The following RIMS1 variants were observed in gnomAD, a reference collection of about 807,000 sequenced individuals.
RIMS1 encodes regulating synaptic membrane exocytosis protein 1.
In RIMS1, 83 loss-of-function variants were observed where a neutral mutation model predicts 214.1. That is an observed-to-expected ratio of 0.39 (90% CI 0.32 to 0.47). The LOEUF (loss-of-function observed/expected upper bound fraction) is 0.47, where lower values mean the gene tolerates loss of function less well. Ranked by LOEUF, RIMS1 falls within the 20% of genes least tolerant of loss-of-function variation. RIMS1 has a pLI of 0.99. For missense variants in RIMS1, 2,050 were observed against 2,161.8 expected (o/e 0.95, Z 1.03); for synonymous variants, 793 against 786.8 (o/e 1.01, Z -0.13).
intron 4 of RIMS1, among the ~76,000 whole-genome samples, chr6:72,123,900 C>T (rs1349749075): frequency 2.0e-5 from 3 of 151,824 alleles, no homozygotes; most frequent in Non-Finnish European, 4.4e-5. Flanking sequence ...GAATACAGCA[C>T]ACTGATGGGT....
At chr6:72,124,582 G>C (rs938462917) in intron 4 of RIMS1, among the ~76,000 whole-genome samples, 4 of 151,804 alleles carry the variant, frequency 2.6e-5, no homozygotes, top group African/African-American at 9.7e-5. Context: ...TTTCCAACTT[G>C]GTTCCATTCT....
At position 72,371,024 on chromosome 6, in the gene RIMS1, A is replaced by G. The variant is rs1024455377; in HGVS notation, c.4367-19574A>G. On this transcript the variant is annotated intron_variant, in intron 29 of 33. Transcript: ENST00000521978. ...TTCTCCTAAAAATATGAGATTTTTT[A>G]TATGAAAAACTTGAAATTTTAAAAT... is the stretch of plus-strand genomic sequence containing the variant. Among the ~76,000 whole-genome samples the G allele has an allele frequency of 4.1e-4, 63 of 152,344 alleles. 1 individual carries two copies. Among genetic ancestry groups the G allele is most frequent in the African/African-American group, 1.5e-3 (61 of 41,586 alleles).
intron 2 of RIMS1, among the ~76,000 whole-genome samples, chr6:72,089,023 C>T (rs1431728478): frequency 6.6e-6 from 1 of 151,892 alleles, no homozygotes; most frequent in Non-Finnish European, 1.5e-5. Context: ...GACTTAGACT[C>T]AGATATTGTT....
At chr6:72,201,431 A>G (rs2051964564) in intron 6 of RIMS1, among the ~76,000 whole-genome samples, 1 of 152,324 alleles carries the variant, frequency 6.6e-6, no homozygotes, top group South Asian at 2.1e-4. Flanking sequence ...TTTAAAATGC[A>G]GAATCATACT....
intron 29 of RIMS1, among the ~76,000 whole-genome samples, chr6:72,360,113 T>C (rs945142242): frequency 6.6e-6 from 1 of 152,170 alleles, no homozygotes; most frequent in Non-Finnish European, 1.5e-5. Context: ...ATTCAAATTG[T>C]ATAGCCATCT....
At chr6:72,180,119 A>G (rs937513656) in intron 5 of RIMS1, among the ~76,000 whole-genome samples, 1 of 152,232 alleles carries the variant, frequency 6.6e-6, no homozygotes, top group Non-Finnish European at 1.5e-5. Context: ...TTTCTTTCAT[A>G]TCATGCACAG....
In RIMS1 at chr6:72,251,234, C is replaced by T. The variant is rs1348024084; in HGVS notation, c.2564C>T (p.Thr855Ile). The T allele has an allele frequency of 6.3e-7, 1 of 1,597,838 alleles. No individual in the cohort carries two copies. The highest frequency in any genetic ancestry group is 1.7e-5 in the Admixed American group (1 of 58,090). The change falls in exon 15 of 34, where the codon ACA (threonine) becomes ATA (isoleucine). Residue 855 changes from threonine to isoleucine, a missense_variant. Physicochemically the swap from Thr to Ile is moderately conservative, Grantham distance 89. This residue lies in a region of RIMS1 where 889 missense variants were observed against 885.5 expected (regional missense o/e 1.00). Transcript: ENST00000521978. ...TCTCAGATCCTCATAGAATTGGAGACAGCGCTTTTAGATGATGAACCGCAT... is the reference window on the plus strand; with the variant it reads ...TCTCAGATCCTCATAGAATTGGAGATAGCGCTTTTAGATGATGAACCGCAT... The part of the protein sequence containing the change: ...FLGEILIELE[T>I]ALLDDEPHWY...
At chr6:72,216,237 G>C (rs1053726126) in intron 6 of RIMS1, among the ~76,000 whole-genome samples, 5 of 152,088 alleles carry the variant, frequency 3.3e-5, no homozygotes, top group Admixed American at 6.6e-5. Flanking sequence ...CCCAATGAGA[G>C]GATAATTATT....
chr6:72,152,028 C>T (rs772121354), intron 4 of RIMS1, among the ~76,000 whole-genome samples: 40 of 152,028 alleles, frequency 2.6e-4, no homozygotes, highest in Admixed American at 1.6e-3. Flanking sequence ...AAGGAGGACT[C>T]GCTGATTACC....
chr6:72,069,857 G>T (rs1264605655), intron 2 of RIMS1, among the ~76,000 whole-genome samples: 1 of 152,138 alleles, frequency 6.6e-6, no homozygotes, highest in Non-Finnish European at 1.5e-5. Flanking sequence ...TTTGTTTTCT[G>T]GTCCATGCTT....
chr6:72,245,991 A>G (rs2069403052), intron 11 of RIMS1, 130 bp downstream of exon 11: 1 of 596,654 alleles, frequency 1.7e-6, no homozygotes, highest in African/African-American at 1.9e-5. Context: ...TTGGTACTAG[A>G]TGTTGGCAAT....
chr6:72,147,337 T>C (rs563527860), intron 4 of RIMS1, among the ~76,000 whole-genome samples: 16 of 152,334 alleles, frequency 1.1e-4, no homozygotes, highest in Non-Finnish European at 2.2e-4. Flanking sequence ...AGATTTTTCA[T>C]TGGGCAGTTT....
chr6:71,947,862 A>G (rs1175673499), intron 1 of RIMS1, among the ~76,000 whole-genome samples: 1 of 152,102 alleles, frequency 6.6e-6, no homozygotes. Flanking sequence ...ACACATATAT[A>G]TTATATATGA....
chr6:72,300,290 C>A (rs1475817960), intron 26 of RIMS1, among the ~76,000 whole-genome samples: 1 of 151,736 alleles, frequency 6.6e-6, no homozygotes, highest in East Asian at 1.9e-4. Context: ...CAAGACACAA[C>A]TTGCAAGAGA....
chr6:72,261,610 C>T (rs1180064116), intron 19 of RIMS1: 3 of 983,908 alleles, frequency 3.0e-6, no homozygotes, highest in East Asian at 1.1e-4. Context: ...ACAAAATAAT[C>T]GAACTCAAAT....
At chr6:72,200,080 T>A (rs1325226000) in intron 6 of RIMS1, among the ~76,000 whole-genome samples, 1 of 152,098 alleles carries the variant, frequency 6.6e-6, no homozygotes, top group Non-Finnish European at 1.5e-5. Context: ...TTCTATCTAA[T>A]ATTTCTTTTA....
At chr6:72,120,432 G>T (rs185594952) in intron 4 of RIMS1, among the ~76,000 whole-genome samples, 11 of 151,956 alleles carry the variant, frequency 7.2e-5, no homozygotes, top group South Asian at 6.2e-4. Flanking sequence ...TCATGTGTTT[G>T]TTGGCTGCAT....
At chr6:72,344,802 A>T (rs1202148478) in intron 29 of RIMS1, among the ~76,000 whole-genome samples, 1 of 151,586 alleles carries the variant, frequency 6.6e-6, no homozygotes, top group Non-Finnish European at 1.5e-5. Flanking sequence ...TTTCAAACAT[A>T]CTCCAGCTGG....
At chr6:72,226,442 GT>G (rs1346178666) in intron 6 of RIMS1, among the ~76,000 whole-genome samples, 1 of 151,820 alleles carries the variant, frequency 6.6e-6, no homozygotes, top group African/African-American at 2.4e-5. Flanking sequence ...AATGTTTTCT[GT>G]TTTCTCAAAG....
Sources: allele counts gnomAD v4.1 joint callset (sites outside exome capture counted in the v4.1 genomes callset), GRCh38; gene constraint gnomAD v4.1.1; regional missense constraint gnomAD v4.1.1; transcripts MANE v1.5; gene names NCBI Gene and HGNC (gene_info 2026-07-23, HGNC 2026-07-21).